The following GFPT1 variants were observed in gnomAD, a reference collection of about 807,000 sequenced individuals.
GFPT1 encodes glutamine--fructose-6-phosphate transaminase 1, also known as glutamine--fructose-6-phosphate aminotransferase [isomerizing] 1.
A neutral mutation model predicts 92.0 loss-of-function variants in GFPT1; 40 were observed. The observed-to-expected ratio is 0.43, with a 90% CI of 0.34 to 0.57. The LOEUF (loss-of-function observed/expected upper bound fraction) is 0.57. Ranked by LOEUF, GFPT1 falls within the 20% of genes least tolerant of loss-of-function variation. The pLI is 0.02. For missense variants in GFPT1, 448 were observed against 869.1 expected (o/e 0.52, Z 6.09); for synonymous variants, 269 against 280.6 (o/e 0.96, Z 0.41).
Position 69,377,285 on chromosome 2 carries a change from T to G in GFPT1, c.8-3172A>C, listed in dbSNP as rs150833473. On this transcript the variant is annotated intron_variant, in intron 1 of 19. Transcript: ENST00000357308. The stretch of plus-strand genomic sequence containing the variant: ...TTAATAATGTAACTCAACAACAGCA[T>G]TCAACTTTAATAATACTTCTAACTC... Among the ~76,000 whole-genome samples, 429 of 151,176 alleles carry G rather than the reference T, an allele frequency of 2.8e-3. 2 individuals are homozygous for G. Among genetic ancestry groups the G allele is most frequent in the African/African-American group, 8.3e-3 (340 of 41,136 alleles).
intron 1 of GFPT1, among the ~76,000 whole-genome samples, chr2:69,386,013 A>G (rs574925534): frequency 1.4e-5 from 2 of 145,356 alleles, no homozygotes; most frequent in Admixed American, 1.4e-4. Flanking sequence ...TTCTCTTACA[A>G]TGGTACTTCC....
chr2:69,354,227 T>A (rs773132570), intron 9 of GFPT1, 32 bp downstream of exon 9: 4 of 1,456,166 alleles, frequency 2.7e-6, no homozygotes, highest in African/African-American at 2.8e-5. Flanking sequence ...GAGGATAAGA[T>A]CCTCCCCATC....
At position 69,358,913 on chromosome 2, in the gene GFPT1, A is replaced by G. The variant is rs560428771; in HGVS notation, c.408+355T>C. 1.1e-4 allele frequency among the ~76,000 whole-genome samples: 16 copies of G among 152,312 alleles called. No individual in the cohort carries two copies. In the East Asian group the frequency reaches 3.1e-3, roughly 29 times the overall value. ...TATACAGTATATAGCTATTTACGAC[A>G]TAAAACTTTCATTTAATTTGTCCTG... On this transcript the variant is annotated intron_variant, in intron 5 of 19. Coordinates refer to ENST00000357308, the MANE Select transcript of GFPT1 (RefSeq NM_001244710.2).
chr2:69,338,450 T>A lies in GFPT1; in HGVS notation c.1319A>T (p.Gln440Leu). ...FRDDVCFFLS[Q>L]SGETADTLMG... ...AGTCTTTAAAATTAACACACCTGAT[T>A]GACTAAGGAAAAAGCAAACATCATC... Residue 440 changes from glutamine (Q) to leucine (L), a missense_variant, in exon 14 of 20, where the codon CAA (glutamine) becomes CTA (leucine). Coordinates refer to ENST00000357308, the MANE Select transcript of GFPT1 (RefSeq NM_001244710.2). 6.2e-7 allele frequency: 1 copy of A among 1,612,816 alleles called. No homozygotes were observed. Among genetic ancestry groups the A allele is most frequent in the Non-Finnish European group, 8.5e-7 (1 of 1,178,856 alleles).
At chr2:69,354,758 C>T (rs193092971) in intron 7 of GFPT1, among the ~76,000 whole-genome samples, 190 bp from the exon 8 acceptor site, 1 of 152,094 alleles carries the variant, frequency 6.6e-6, no homozygotes, top group African/African-American at 2.4e-5. Context: ...GGCTCACACC[C>T]GTAATCCCAG....
intron 1 of GFPT1, among the ~76,000 whole-genome samples, chr2:69,375,299 TAAG>T (rs1671844651): frequency 6.6e-6 from 1 of 152,234 alleles, no homozygotes; most frequent in African/African-American, 2.4e-5. Flanking sequence ...TTCTGATTCA[TAAG>T]AAGTTTAAAT....
At position 69,323,067 on chromosome 2, in the gene GFPT1, T is replaced by A. The variant is rs1670452316; in HGVS notation, c.*3122A>T. 1 of 152,252 alleles carries A rather than the reference T, an allele frequency of 6.6e-6. No individual in the cohort carries two copies. The highest frequency in any genetic ancestry group is 6.5e-5 in the Admixed American group (1 of 15,292). The allele number at this position is 152,252 out of a possible 1,614,324, so 9.4% of individuals were successfully genotyped here. The stretch of plus-strand genomic sequence containing the variant: ...TAATAAACACTTGTTGACATAGTTA[T>A]AATAAGCTAAAAATAGTTAACATTA... On this transcript the variant is annotated 3_prime_UTR_variant, in exon 20 of 20. Coordinates refer to ENST00000357308, the MANE Select transcript of GFPT1 (RefSeq NM_001244710.2).
chr2:69,334,618 T>TC (rs1276128325), intron 15 of GFPT1: 1 of 152,128 alleles, frequency 6.6e-6, no homozygotes, highest in African/African-American at 2.4e-5. Flanking sequence ...CAATAGTGGG[T>TC]CACTAGAACT....
intron 1 of GFPT1, among the ~76,000 whole-genome samples, chr2:69,376,583 T>A (rs144934808): frequency 2.6e-4 from 40 of 151,976 alleles, no homozygotes; most frequent in African/African-American, 9.4e-4. Context: ...TGTGACTGCA[T>A]CAGCTAGAGT....
At chr2:69,338,999 T>C (rs1459602269) in intron 13 of GFPT1, among the ~76,000 whole-genome samples, 2 of 152,160 alleles carry the variant, frequency 1.3e-5, no homozygotes, top group Non-Finnish European at 2.9e-5. Context: ...TTGGCCAGGA[T>C]GGTCTCAATC....
chr2:69,331,393 T>C (rs1308264190), intron 15 of GFPT1, among the ~76,000 whole-genome samples: 1 of 152,164 alleles, frequency 6.6e-6, no homozygotes, highest in African/African-American at 2.4e-5. Context: ...ATTAGACAAA[T>C]GCTACATTAA....
chr2:69,353,239 T>C (rs977722277), intron 9 of GFPT1, among the ~76,000 whole-genome samples: 4 of 151,720 alleles, frequency 2.6e-5, no homozygotes, highest in Non-Finnish European at 5.9e-5. Flanking sequence ...GTACAAAAAA[T>C]TTAAAGTTAG....
At position 69,329,392 on chromosome 2, in the gene GFPT1, C is replaced by T. The variant is rs755583835; in HGVS notation, c.1630G>A (p.Glu544Lys). The T allele has an allele frequency of 3.1e-6, 5 of 1,610,730 alleles. No homozygotes were observed. The highest frequency in any genetic ancestry group is 3.4e-6 in the Non-Finnish European group (4 of 1,176,958). Residue 544 changes from glutamate to lysine, a missense_variant, in exon 17 of 20, where the codon GAA (glutamate) becomes AAA (lysine). Glu to Lys is a moderately conservative substitution (Grantham distance 56). Around this residue, in one of 7 missense-constraint regions of GFPT1, gnomAD observed 73 missense variants for 103.5 expected, o/e 0.71. Coordinates refer to ENST00000357308, the MANE Select transcript of GFPT1 (RefSeq NM_001244710.2). ...AGTTCTGTTGCTAGTTTCTGAATTT[C>T]GTCATCCATGCTCAGTACTTCCTTA... The part of the protein sequence containing the change: ...LIKEVLSMDD[E>K]IQKLATELYH...
intron 1 of GFPT1, among the ~76,000 whole-genome samples, chr2:69,386,527 G>A (rs1672132736): frequency 6.6e-6 from 1 of 152,222 alleles, no homozygotes; most frequent in Non-Finnish European, 1.5e-5. Flanking sequence ...AATGGTTTCT[G>A]TTGAGACAAG....
chr2:69,325,301 C>G lies in GFPT1; in HGVS notation c.*888G>C, dbSNP rs192348057. On this transcript the variant is annotated 3_prime_UTR_variant, in exon 20 of 20. Transcript: ENST00000357308. ...TATCAATATTAATTTAATAGCAGCTCTGTGTTGTGATTTTAAAGAACAAGA... is the reference window on the plus strand; with the variant it reads ...TATCAATATTAATTTAATAGCAGCTGTGTGTTGTGATTTTAAAGAACAAGA... 6.6e-6 allele frequency: 1 copy of G among 152,136 alleles called. No individual in the cohort carries two copies. The highest frequency in any genetic ancestry group is 1.9e-4 in the East Asian group (1 of 5,184). 9.4% of individuals were successfully genotyped at this position (152,136 alleles called of 1,614,324 possible).
intron 13 of GFPT1, 142 bp from the exon 14 acceptor site, chr2:69,338,707 A>AC (rs1395781068): frequency 1.6e-6 from 1 of 636,548 alleles, no homozygotes; most frequent in African/African-American, 4.5e-5. Context: ...AGATTAAAAT[A>AC]TTTAAAAAAA....
chr2:69,367,455 G>C (rs1435853772), intron 3 of GFPT1, among the ~76,000 whole-genome samples: 2 of 152,068 alleles, frequency 1.3e-5, no homozygotes, highest in Admixed American at 6.6e-5. Flanking sequence ...CCGCCTCCTG[G>C]ATTCAAGTGA....
At chr2:69,336,616 A>G (rs184255257) in intron 15 of GFPT1, among the ~76,000 whole-genome samples, 1 of 148,468 alleles carries the variant, frequency 6.7e-6, no homozygotes, top group Non-Finnish European at 1.5e-5. Context: ...ACATTGGACA[A>G]CATAGTGAGA....
At chr2:69,381,267 G>A (rs927187027) in intron 1 of GFPT1, among the ~76,000 whole-genome samples, 2 of 152,148 alleles carry the variant, frequency 1.3e-5, no homozygotes, top group Admixed American at 6.5e-5. Flanking sequence ...ATAGGCGTGA[G>A]CCACTGCGCC....
Sources: allele counts gnomAD v4.1 joint callset (sites outside exome capture counted in the v4.1 genomes callset), GRCh38; gene constraint gnomAD v4.1.1; regional missense constraint gnomAD v4.1.1; transcripts MANE v1.5; gene names NCBI Gene and HGNC (gene_info 2026-07-23, HGNC 2026-07-21).